DNAJB13: variants seen among roughly 807,000 people sequenced by gnomAD.
DNAJB13 encodes the protein dnaJ homolog subfamily B member 13.
A neutral mutation model predicts 35.6 loss-of-function variants in DNAJB13; 22 were observed. That is an observed-to-expected ratio of 0.62 (90% CI 0.44 to 0.88). DNAJB13 has a LOEUF of 0.88. DNAJB13 is among the 40% of genes least tolerant of loss of function. The pLI is 0.00. For missense variants in DNAJB13, 370 were observed against 384.3 expected (o/e 0.96, Z 0.31); for synonymous variants, 136 against 144.2 (o/e 0.94, Z 0.41).
intron 6 of DNAJB13, among the ~76,000 whole-genome samples, 153 bp from the exon 7 acceptor site, chr11:73,969,093 T>C (rs77465317): frequency 6.6e-6 from 1 of 152,184 alleles, no homozygotes; most frequent in Non-Finnish European, 1.5e-5. Flanking sequence ...TGCAGAAAAT[T>C]GCATGGGTCA....
rs536788561 is a variant in DNAJB13, at chr11:73,969,451, G to A, written c.797+129G>A. ...CAGCAGAAGGGTTCCCTGCTGAGGG[G>A]ATAGAGAGGACCAAAACTGAACCCA... is the stretch of plus-strand genomic sequence containing the variant. On this transcript the variant is annotated intron_variant, in intron 7 of 7. Coordinates refer to ENST00000339764, the MANE Select transcript of DNAJB13 (RefSeq NM_153614.4). 37 of 642,226 alleles carry A rather than the reference G, an allele frequency of 5.8e-5. No homozygotes were observed. In the African/African-American group the frequency reaches 6.3e-4, roughly 11 times the overall value. The allele number at this position is 642,226 out of a possible 1,614,324, so 39.8% of individuals were successfully genotyped here.
At chr11:73,964,836 T>C (rs1591198830) in intron 3 of DNAJB13, 42 bp from the exon 4 acceptor site, 1 of 1,575,274 alleles carries the variant, frequency 6.3e-7, no homozygotes, top group Non-Finnish European at 8.6e-7. Flanking sequence ...TGTCTGGGTC[T>C]CTGGATACAA....
At chr11:73,959,739 AT>A in intron 3 of DNAJB13, 84 bp downstream of exon 3, 1 of 1,294,598 alleles carries the variant, frequency 7.7e-7, no homozygotes, top group African/African-American at 1.6e-5. Flanking sequence ...TTTTGTTTTT[AT>A]TTTTACTTTA....
At chr11:73,962,355 C>G (rs965168239) in intron 3 of DNAJB13, among the ~76,000 whole-genome samples, 2 of 124,168 alleles carry the variant, frequency 1.6e-5, no homozygotes, top group African/African-American at 6.1e-5. Flanking sequence ...GAAGGAAGGA[C>G]AGATGGATGA....
At chr11:73,955,873 T>C (rs1302854656) in intron 1 of DNAJB13, among the ~76,000 whole-genome samples, 1 of 152,102 alleles carries the variant, frequency 6.6e-6, no homozygotes, top group East Asian at 1.9e-4. Flanking sequence ...GCTGTGACAA[T>C]TGTCTTCAAG....
chr11:73,958,355 C>CA lies in DNAJB13; in HGVS notation c.110dup (p.Asn37LysfsTer2). On this transcript the variant is annotated frameshift_variant, in exon 2 of 8. Transcript: ENST00000339764. LOFTEE classifies it high-confidence loss of function. ...GCCCTTAAGCACCACCCGTTGAAGT[C>CA]AAATGAGCCGTCTTCAGCAGAGATT... 6.2e-7 allele frequency: 1 copy of CA among 1,614,180 alleles called. No individual in the cohort carries two copies. The highest frequency in any genetic ancestry group is 8.5e-7 in the Non-Finnish European group (1 of 1,180,036).
intron 2 of DNAJB13, among the ~76,000 whole-genome samples, chr11:73,958,892 TAGGGAAACC>T (rs1387683299): frequency 6.6e-6 from 1 of 152,124 alleles, no homozygotes; most frequent in Non-Finnish European, 1.5e-5. Flanking sequence ...ATCTGTCTCC[TAGGGAAACC>T]AGCAGAGTGA....
In DNAJB13 at chr11:73,969,327, G is replaced by A; in HGVS notation, c.797+5G>A. 1 of 872,408 alleles carries A rather than the reference G, an allele frequency of 1.1e-6. No homozygotes were observed. Among genetic ancestry groups the A allele is most frequent in the East Asian group, 2.4e-5 (1 of 41,664 alleles). The allele number at this position is 872,408 out of a possible 1,614,324, so 54.0% of individuals were successfully genotyped here. A position where few individuals can be genotyped will look rare whatever the true frequency, so the allele number is the denominator to read the frequency against. On this transcript the variant is annotated splice_donor_5th_base_variant and intron_variant, in intron 7 of 7. Transcript: ENST00000339764. ...CCCCATCAATGACATCATCCAGTGA[G>A]TCCATCTGCCTTGGGCCCCAGTAGC...
Position 73,970,098 on chromosome 11 carries a change from A to G in DNAJB13, c.935A>G (p.Gln312Arg). Reference protein sequence around the residue: ...LTPQKKQMLRQALLT With the variant: ...LTPQKKQMLRRALLT ...CCCCAGAAGAAGCAGATGCTGCGCC[A>G]GGCATTGCTGACATGACTGTGGTGG... The change falls in exon 8 of 8, where the codon CAG (glutamine) becomes CGG (arginine). Residue 312 changes from glutamine (Q) to arginine (R), a missense_variant. By Grantham distance (43) the Gln-to-Arg change is conservative. Transcript: ENST00000339764. 6.2e-7 allele frequency: 1 copy of G among 1,606,488 alleles called. No homozygotes were observed. The highest frequency in any genetic ancestry group is 8.5e-7 in the Non-Finnish European group (1 of 1,176,052).
chr11:73,966,945 C>T (rs1231431592), intron 5 of DNAJB13, among the ~76,000 whole-genome samples: 2 of 151,676 alleles, frequency 1.3e-5, no homozygotes, highest in Non-Finnish European at 2.9e-5. Context: ...CTCCGCCTCC[C>T]GGGTTCAAGT....
intron 3 of DNAJB13, among the ~76,000 whole-genome samples, chr11:73,961,129 A>T (rs1950921121): frequency 6.6e-6 from 1 of 152,002 alleles, no homozygotes; most frequent in African/African-American, 2.4e-5. Context: ...TCTACAAAAA[A>T]ATGTGCCAGG....
Position 73,970,001 on chromosome 11 carries a change from T to A in DNAJB13, c.838T>A (p.Leu280Met), listed in dbSNP as rs778159647. 1 of 1,611,602 alleles carries A rather than the reference T, an allele frequency of 6.2e-7. No individual in the cohort carries two copies. Among genetic ancestry groups the A allele is most frequent in the East Asian group, 2.2e-5 (1 of 44,840 alleles). The change falls in exon 8 of 8, where the codon TTG becomes ATG. Residue 280 changes from leucine to methionine, a missense_variant. Leu to Met is a conservative substitution (Grantham distance 15). Transcript: ENST00000339764. Reference sequence around the variant, plus strand: ...GAAGGTGCCAGGGGAGGGGATGCCATTGCCGGAGGACCCCACTAAGAAAGG... The same window carrying A: ...GAAGGTGCCAGGGGAGGGGATGCCAATGCCGGAGGACCCCACTAAGAAAGG... Reference protein sequence around the residue: ...FKKVPGEGMPLPEDPTKKGDL... With the variant: ...FKKVPGEGMPMPEDPTKKGDL...
chr11:73,962,370 A>T (rs1036663782), intron 3 of DNAJB13, among the ~76,000 whole-genome samples: 3 of 117,710 alleles, frequency 2.5e-5, no homozygotes, highest in African/African-American at 3.3e-5. Context: ...GGATGAATGG[A>T]TGAGTGGGTG....
At chr11:73,958,864 G>T (rs544221483) in intron 2 of DNAJB13, among the ~76,000 whole-genome samples, 9 of 152,294 alleles carry the variant, frequency 5.9e-5, no homozygotes, top group African/African-American at 2.2e-4. Flanking sequence ...GCAGAGAAAG[G>T]CCAGGAGTAA....
At chr11:73,964,007 A>C (rs1238080948) in intron 3 of DNAJB13, 1 of 152,220 alleles carries the variant, frequency 6.6e-6, no homozygotes, top group Non-Finnish European at 1.5e-5. Flanking sequence ...TCCCTGGACC[A>C]ATGAAATAAT....
intron 1 of DNAJB13, among the ~76,000 whole-genome samples, chr11:73,952,516 G>A (rs1950612428): frequency 6.6e-6 from 1 of 152,162 alleles, no homozygotes; most frequent in South Asian, 2.1e-4. Context: ...CTATTCCTGG[G>A]CCAGGTCCTG....
Position 73,959,617 on chromosome 11 carries a change from T to C in DNAJB13, c.296T>C (p.Val99Ala), listed in dbSNP as rs756043336. The C allele has an allele frequency of 4.2e-5, 67 of 1,614,058 alleles. No homozygotes were observed. The highest frequency in any genetic ancestry group is 4.5e-5 in the Non-Finnish European group (53 of 1,180,028). Residue 99 changes from valine to alanine, a missense_variant, in exon 3 of 8, where the codon GTG becomes GCG. By Grantham distance (64) the Val-to-Ala change is moderately conservative. Transcript: ENST00000339764. ...GTCTTCCATGGCAAACCTGAAAAGG[T>C]GTTCCACGAGTTCTTTGGTGGAAAC... is the stretch of plus-strand genomic sequence containing the variant. The part of the protein sequence containing the change: ...GYVFHGKPEK[V>A]FHEFFGGNNP...
Position 73,959,576 on chromosome 11 carries a change from A to G in DNAJB13, c.255A>G (p.Pro85=). The change falls in exon 3 of 8, where the codon CCA becomes CCG. Residue 85 remains proline (P), a synonymous_variant. Coordinates refer to ENST00000339764, the MANE Select transcript of DNAJB13 (RefSeq NM_153614.4). ...GIPLEFGSQT[P]WTTGYVFHGK... ...CTTTGGAGTTTGGATCCCAGACCCC[A>G]TGGACAACTGGTTACGTCTTCCATG... 1 of 1,614,170 alleles carries G rather than the reference A, an allele frequency of 6.2e-7. No homozygotes were observed. Among genetic ancestry groups the G allele is most frequent in the Admixed American group, 1.7e-5 (1 of 60,024 alleles).
chr11:73,968,498 G>C (rs1171730648), intron 6 of DNAJB13, 40 bp downstream of exon 6: 2 of 1,563,894 alleles, frequency 1.3e-6, no homozygotes, highest in African/African-American at 1.4e-5. Context: ...GAGGAGATCA[G>C]AGTGAGCCCT....
Sources: gnomAD v4.1 joint callset for allele counts (sites outside exome capture counted in the v4.1 genomes callset) on GRCh38, gnomAD v4.1.1 for gene constraint, MANE v1.5 for transcripts, NCBI Gene and HGNC (gene_info 2026-07-23, HGNC 2026-07-21) for gene names.